NXN: variants seen among roughly 807,000 people sequenced by gnomAD.
NXN encodes nucleoredoxin 1.
In NXN, 16 loss-of-function variants were observed where a neutral mutation model predicts 48.6. The ratio of observed to expected loss-of-function variants is 0.33; its 90% CI spans 0.22 to 0.50. The LOEUF (loss-of-function observed/expected upper bound fraction) is 0.50. NXN is among the 20% of genes least tolerant of loss of function. NXN has a pLI of 0.98. For synonymous variants in NXN, 281 were observed against 269.6 expected (o/e 1.04, Z -0.41); for missense variants, 492 against 605.5 (o/e 0.81, Z 1.97).
intron 1 of NXN, among the ~76,000 whole-genome samples, chr17:850,447 AAGTC>A (rs1337553441): frequency 2.0e-5 from 3 of 152,244 alleles, no homozygotes; most frequent in Non-Finnish European, 2.9e-5. Context: ...GACATGAGAA[AAGTC>A]AGTCCACTGC....
intron 1 of NXN, among the ~76,000 whole-genome samples, chr17:855,638 T>A (rs918221760): frequency 1.3e-5 from 2 of 152,218 alleles, no homozygotes; most frequent in African/African-American, 4.8e-5. Flanking sequence ...CAAGGTCCCA[T>A]CTGATCCACC....
rs769830621 is a variant in NXN at position 805,046 on chromosome 17, C to T, written c.1000+22G>A. 2.6e-6 allele frequency: 4 copies of T among 1,551,072 alleles called. No individual in the cohort carries two copies. In the African/African-American group the frequency reaches 5.5e-5, roughly 21 times the overall value. On this transcript the variant is annotated intron_variant, in intron 6 of 7. Transcript: ENST00000336868. ...CCCGCCCCCCAGCCACCCCTCGCCC[C>T]CTGCCCCCGTGAGCTTCATACCTAC...
intron 1 of NXN, among the ~76,000 whole-genome samples, chr17:846,515 A>AG (rs1216628636): frequency 2.0e-5 from 3 of 152,094 alleles, no homozygotes; most frequent in African/African-American, 4.8e-5. Flanking sequence ...TTTTGCACAG[A>AG]GGGGTGCCCC....
chr17:853,578 A>G (rs898132445), intron 1 of NXN, among the ~76,000 whole-genome samples: 9 of 151,532 alleles, frequency 5.9e-5, no homozygotes, highest in South Asian at 2.1e-4. Context: ...GAGGTCAAAC[A>G]TCAGCTCTTC....
chr17:814,778 C>A (rs1201586879), intron 5 of NXN, among the ~76,000 whole-genome samples: 2 of 152,122 alleles, frequency 1.3e-5, no homozygotes, highest in Non-Finnish European at 2.9e-5. Flanking sequence ...GTAATCCCAG[C>A]ACTTAGGGAG....
Position 917,305 on chromosome 17 carries a change from C to A in NXN, c.360+62014G>T, listed in dbSNP as rs1338109046. ...TACAGGCGCCCGCCACCATGCCCAG[C>A]TAATTTTTTGTATTTTTAGTAGAGA... is the stretch of plus-strand genomic sequence containing the variant. On this transcript the variant is annotated intron_variant, in intron 1 of 7. Coordinates refer to ENST00000336868, the MANE Select transcript of NXN (RefSeq NM_022463.5). This position sits in a 1 kb window ranked among gnomAD's most constrained non-coding sequence, Gnocchi z 4.5. Among the ~76,000 whole-genome samples, 1 of 152,186 alleles carries A rather than the reference C, an allele frequency of 6.6e-6. No homozygotes were observed. Among genetic ancestry groups the A allele is most frequent in the African/African-American group, 2.4e-5 (1 of 41,446 alleles).
At position 849,054 on chromosome 17, in the gene NXN, C is replaced by G. The variant is rs2067895554; in HGVS notation, c.361-22976G>C. Among the ~76,000 whole-genome samples, 1 of 152,198 alleles carries G rather than the reference C, an allele frequency of 6.6e-6. No individual in the cohort carries two copies. The highest frequency in any genetic ancestry group is 2.1e-4 in the South Asian group (1 of 4,828). On this transcript the variant is annotated intron_variant, in intron 1 of 7. Transcript: ENST00000336868. The surrounding 1 kb of genome is among the most constrained non-coding windows in gnomAD (Gnocchi z 4.2). Reference sequence around the variant, plus strand: ...CTTCGCCTTCGAGAAAGGAAGGGAGCCTGTCTGGTATGTAACAGGCTCCGG... The same window carrying G: ...CTTCGCCTTCGAGAAAGGAAGGGAGGCTGTCTGGTATGTAACAGGCTCCGG...
rs993046275 is a variant in NXN at position 919,597 on chromosome 17, T to C, written c.360+59722A>G. On this transcript the variant is annotated intron_variant, in intron 1 of 7. Transcript: ENST00000336868. This position sits in a 1 kb window ranked among gnomAD's most constrained non-coding sequence, Gnocchi z 5.1. ...CGTATCGTGGGTTACAGAACCTACGTCGTCCTCGGAATCCCCGCATTCGTC... is the reference window on the plus strand; with the variant it reads ...CGTATCGTGGGTTACAGAACCTACGCCGTCCTCGGAATCCCCGCATTCGTC... 5.3e-5 allele frequency among the ~76,000 whole-genome samples: 8 copies of C among 152,060 alleles called. No homozygotes were observed. The highest frequency in any genetic ancestry group is 1.9e-4 in the African/African-American group (8 of 41,392).
At chr17:950,761 G>C (rs978040364) in intron 1 of NXN, among the ~76,000 whole-genome samples, 10 of 152,180 alleles carry the variant, frequency 6.6e-5, no homozygotes, top group African/African-American at 2.4e-4. Flanking sequence ...GGACCACAGA[G>C]ACAACCCAGT....
chr17:857,581 C>A (rs1000115157), intron 1 of NXN, among the ~76,000 whole-genome samples: 4 of 152,108 alleles, frequency 2.6e-5, no homozygotes, highest in Admixed American at 1.3e-4. Flanking sequence ...TATTCTAAAG[C>A]TGAAGTTAAG....
chr17:906,734 C>CT (rs35778901), intron 1 of NXN, among the ~76,000 whole-genome samples: 19,442 of 143,620 alleles, frequency 0.14, 1,487 homozygotes, highest in East Asian at 0.27. Context: ...ACCCGGACAA[C>CT]TTTTTTTTTT....
chr17:852,879 T>TC (rs2067939638), intron 1 of NXN, among the ~76,000 whole-genome samples: 1 of 152,108 alleles, frequency 6.6e-6, no homozygotes, highest in South Asian at 2.1e-4. Flanking sequence ...GATGCCTATT[T>TC]CCCCAGGACA....
chr17:973,993 T>C (rs1330648193), intron 1 of NXN, among the ~76,000 whole-genome samples: 1 of 151,946 alleles, frequency 6.6e-6, no homozygotes, highest in East Asian at 1.9e-4. Flanking sequence ...TAGGGCAATT[T>C]TTTTGACACC....
intron 1 of NXN, among the ~76,000 whole-genome samples, chr17:840,885 G>GTGAACACAAAACAACCAC (rs918304110): frequency 1.3e-5 from 2 of 152,168 alleles, no homozygotes; most frequent in African/African-American, 4.8e-5. Flanking sequence ...TTCTCTTAGG[G>GTGAACACAAAACAACCAC]TGAACACAAA....
chr17:926,664 G>A (rs2068803539), intron 1 of NXN, among the ~76,000 whole-genome samples: 1 of 151,478 alleles, frequency 6.6e-6, no homozygotes, highest in Non-Finnish European at 1.5e-5. Flanking sequence ...TCCCACTTCA[G>A]CGTTCCGAGT....
At chr17:904,764 G>A (rs539595875) in intron 1 of NXN, among the ~76,000 whole-genome samples, 5 of 152,060 alleles carry the variant, frequency 3.3e-5, no homozygotes, top group Admixed American at 2.6e-4. Context: ...GGCTGGTCTC[G>A]ATCTCCTGAC....
chr17:971,356 T>C (rs13353187), intron 1 of NXN, among the ~76,000 whole-genome samples: 37,363 of 152,104 alleles, frequency 0.25, 8,058 homozygotes, highest in African/African-American at 0.58. Context: ...AAGAAGCTGC[T>C]GGGACTCACC....
At chr17:935,437 G>A (rs1174766997) in intron 1 of NXN, among the ~76,000 whole-genome samples, 2 of 152,138 alleles carry the variant, frequency 1.3e-5, no homozygotes, top group African/African-American at 4.8e-5. Context: ...TGAGAAGTGG[G>A]AGGCTTCCGC....
intron 1 of NXN, among the ~76,000 whole-genome samples, chr17:835,719 C>T (rs1036813138): frequency 6.8e-6 from 1 of 146,602 alleles, no homozygotes; most frequent in Admixed American, 6.8e-5. Flanking sequence ...TCATAGAGGC[C>T]GCAGGGAAAA....
Sources: allele counts gnomAD v4.1 joint callset (sites outside exome capture counted in the v4.1 genomes callset), GRCh38; gene constraint gnomAD v4.1.1; non-coding constraint Gnocchi (gnomAD v3.1); transcripts MANE v1.5; gene names NCBI Gene and HGNC (gene_info 2026-07-23, HGNC 2026-07-21).